PLEKHF2: variants seen among roughly 807,000 people sequenced by gnomAD.
The protein encoded by PLEKHF2 is pleckstrin homology and FYVE domain containing 2.
Under a neutral mutation model 14.7 loss-of-function variants are expected in PLEKHF2, and 4 were observed. The observed-to-expected ratio is 0.27, with a 90% CI of 0.13 to 0.62. The LOEUF is 0.62. Ranked by LOEUF, PLEKHF2 falls within the 20% of genes least tolerant of loss-of-function variation. PLEKHF2 has a pLI of 0.85. For synonymous variants in PLEKHF2, 90 were observed against 103.5 expected, an observed-to-expected ratio of 0.87 and a Z score of 0.79; for missense variants, 201 against 307.7, an observed-to-expected ratio of 0.65 and a Z score of 2.60.
chr8:95,154,147 G>A lies in PLEKHF2; in HGVS notation c.103G>A (p.Val35Ile), dbSNP rs1810589689. The change falls in exon 2 of 2, where the codon GTT (valine) becomes ATT (isoleucine). Residue 35 changes from valine (V) to isoleucine (I), a missense_variant. Val to Ile is a conservative substitution (Grantham distance 29). Coordinates refer to ENST00000315367, the MANE Select transcript of PLEKHF2 (RefSeq NM_024613.4). This position sits in a 1 kb window ranked among gnomAD's most constrained non-coding sequence, Gnocchi z 5.6. ...AGQPLTIPGRVLIGEGVLTKL... is the reference protein window; with the variant it reads ...AGQPLTIPGRILIGEGVLTKL... ...TCAACCTTTAACTATACCTGGACGA[G>A]TTCTTATTGGAGAAGGAGTATTGAC... 1 of 1,613,938 alleles carries A rather than the reference G, an allele frequency of 6.2e-7. No homozygotes were observed.
intron 1 of PLEKHF2, among the ~76,000 whole-genome samples, chr8:95,138,956 T>A (rs371484764): frequency 2.6e-5 from 4 of 152,382 alleles, no homozygotes; most frequent in East Asian, 3.9e-4. Context: ...TCTAAAGCAT[T>A]TCTATTGCCA....
At chr8:95,152,949 G>C (rs1239977608) in intron 1 of PLEKHF2, among the ~76,000 whole-genome samples, 4 of 152,132 alleles carry the variant, frequency 2.6e-5, no homozygotes, top group African/African-American at 9.7e-5. Context: ...TTTGAAATAG[G>C]ATACAACTCT....
At chr8:95,134,071 G>T (rs1810348844) in intron 1 of PLEKHF2, 41 bp downstream of exon 1, 1 of 151,778 alleles carries the variant, frequency 6.6e-6, no homozygotes, top group African/African-American at 2.4e-5. Flanking sequence ...GCTCCTGACG[G>T]GCCGGGAGGG....
At chr8:95,150,898 C>T (rs1810554353) in intron 1 of PLEKHF2, among the ~76,000 whole-genome samples, 1 of 152,052 alleles carries the variant, frequency 6.6e-6, no homozygotes, top group African/African-American at 2.4e-5. Context: ...GCTGTGACAG[C>T]CTTGGGCAAG....
In PLEKHF2 at chr8:95,154,617, T is replaced by C. The variant is rs200210769; in HGVS notation, c.573T>C (p.Phe191=). ...GTGGGCCCTGCTCTGAAAAGAGATT[T>C]CTTCTTCCCAGCCAGTCCTCTAAGC... ...VVCGPCSEKR[F]LLPSQSSKPV... is the part of the protein sequence containing the mutation. The change falls in exon 2 of 2, where the codon TTT becomes TTC. Residue 191 remains phenylalanine, a synonymous_variant. Coordinates refer to ENST00000315367, the MANE Select transcript of PLEKHF2 (RefSeq NM_024613.4). The surrounding 1 kb of genome is among the most constrained non-coding windows in gnomAD (Gnocchi z 5.6). The C allele has an allele frequency of 1.2e-6, 2 of 1,614,160 alleles. No individual in the cohort carries two copies. The highest frequency in any genetic ancestry group is 3.3e-4 in the Middle Eastern group (2 of 6,062).
intron 1 of PLEKHF2, among the ~76,000 whole-genome samples, chr8:95,146,888 T>G (rs1563883251): frequency 6.6e-6 from 1 of 151,620 alleles, no homozygotes; most frequent in Non-Finnish European, 1.5e-5. Context: ...AAGAAACAAG[T>G]ATCAATAGTT....
At position 95,148,086 on chromosome 8, in the gene PLEKHF2, A is replaced by G. The variant is rs374800019; in HGVS notation, c.-14-5945A>G. The stretch of plus-strand genomic sequence containing the variant: ...AAATGGAAATAATACACGTTCATGC[A>G]TTCAAAGTTTCATTCAAAGGATGTT... On this transcript the variant is annotated intron_variant, in intron 1 of 1. Coordinates refer to ENST00000315367, the MANE Select transcript of PLEKHF2 (RefSeq NM_024613.4). Among the ~76,000 whole-genome samples, 10 of 152,096 alleles carry G rather than the reference A, an allele frequency of 6.6e-5. No individual in the cohort carries two copies. The East Asian group carries it at 1.3e-3, about 21-fold the overall frequency.
chr8:95,145,483 A>G (rs1480061177), intron 1 of PLEKHF2, among the ~76,000 whole-genome samples: 1 of 150,350 alleles, frequency 6.7e-6, no homozygotes, highest in East Asian at 1.9e-4. Flanking sequence ...TCTGTCACCG[A>G]GGCTCACTCA....
At chr8:95,142,705 CTAAA>C (rs1348224084) in intron 1 of PLEKHF2, among the ~76,000 whole-genome samples, 1 of 152,142 alleles carries the variant, frequency 6.6e-6, no homozygotes, top group Non-Finnish European at 1.5e-5. Flanking sequence ...TATTTACTAA[CTAAA>C]CAGCTGTGCT....
Position 95,154,242 on chromosome 8 carries a change from T to G in PLEKHF2, c.198T>G (p.Asn66Lys). The change falls in exon 2 of 2, where the codon AAT (asparagine) becomes AAG (lysine). Residue 66 changes from asparagine to lysine, a missense_variant. By Grantham distance (94) the Asn-to-Lys change is moderately conservative (BLOSUM62 0). Coordinates refer to ENST00000315367, the MANE Select transcript of PLEKHF2 (RefSeq NM_024613.4). The surrounding 1 kb of genome is among the most constrained non-coding windows in gnomAD (Gnocchi z 5.6). The stretch of plus-strand genomic sequence containing the variant: ...TTAATGATATTCTTGTATATGGCAA[T>G]ATTGTCATCCAGAAGAAAAAATATA... ...FLFNDILVYGNIVIQKKKYNK... is the reference protein window; with the variant it reads ...FLFNDILVYGKIVIQKKKYNK... 6.2e-7 allele frequency: 1 copy of G among 1,613,882 alleles called. No homozygotes were observed. The highest frequency in any genetic ancestry group is 8.5e-7 in the Non-Finnish European group (1 of 1,179,864).
At position 95,155,033 on chromosome 8, in the gene PLEKHF2, G is replaced by T; in HGVS notation, c.*239G>T. Reference sequence around the variant, plus strand: ...ATATCAGATAAATTTTTTGTTTCTTGTTTATTTTTAGGTTATTTTCTTGGA... The same window carrying T: ...ATATCAGATAAATTTTTTGTTTCTTTTTTATTTTTAGGTTATTTTCTTGGA... On this transcript the variant is annotated 3_prime_UTR_variant, in exon 2 of 2. Transcript: ENST00000315367. The T allele has an allele frequency of 4.2e-6, 2 of 478,672 alleles. No homozygotes were observed. The highest frequency in any genetic ancestry group is 7.5e-6 in the Non-Finnish European group (2 of 265,096). The allele number at this position is 478,672 out of a possible 1,614,324, so 29.7% of individuals were successfully genotyped here. A position where few individuals can be genotyped will look rare whatever the true frequency, so the allele number is the denominator to read the frequency against.
chr8:95,136,583 T>C (rs1403525146), intron 1 of PLEKHF2, among the ~76,000 whole-genome samples: 1 of 152,208 alleles, frequency 6.6e-6, no homozygotes, highest in Non-Finnish European at 1.5e-5. Flanking sequence ...GATGGAAATA[T>C]TGTTAATGCT....
chr8:95,140,205 T>A (rs1020775343), intron 1 of PLEKHF2, among the ~76,000 whole-genome samples: 1 of 152,244 alleles, frequency 6.6e-6, no homozygotes, highest in African/African-American at 2.4e-5. Context: ...CCCAGTGGCT[T>A]ACCCTTAAGC....
chr8:95,135,615 C>T (rs1387961853), intron 1 of PLEKHF2, among the ~76,000 whole-genome samples: 1 of 152,172 alleles, frequency 6.6e-6, no homozygotes, highest in African/African-American at 2.4e-5. Flanking sequence ...GTTGCTCAGG[C>T]TGTATTGCCA....
intron 1 of PLEKHF2, among the ~76,000 whole-genome samples, chr8:95,145,740 C>T (rs13265626): frequency 0.14 from 20,582 of 152,124 alleles, 1,701 homozygotes; most frequent in Non-Finnish European, 0.18. Flanking sequence ...TTCTTTTTTG[C>T]TTTATCATCC....
chr8:95,137,119 G>T (rs572254134), intron 1 of PLEKHF2, among the ~76,000 whole-genome samples: 7 of 152,344 alleles, frequency 4.6e-5, no homozygotes, highest in Non-Finnish European at 8.8e-5. Context: ...TCAGCTCCTT[G>T]CTGGCTTGTG....
chr8:95,134,217 C>G (rs1463702307), intron 1 of PLEKHF2, 187 bp downstream of exon 1: 1 of 149,330 alleles, frequency 6.7e-6, no homozygotes, highest in Non-Finnish European at 1.5e-5. Flanking sequence ...CGGCCGCTCC[C>G]CTCGCGCCGG....
intron 1 of PLEKHF2, among the ~76,000 whole-genome samples, chr8:95,134,856 G>C (rs1810358561): frequency 6.6e-6 from 1 of 152,160 alleles, no homozygotes; most frequent in South Asian, 2.1e-4. Context: ...CGTTGCTGAA[G>C]AGACTCATTA....
At chr8:95,140,439 T>G (rs1025515725) in intron 1 of PLEKHF2, among the ~76,000 whole-genome samples, 4 of 152,216 alleles carry the variant, frequency 2.6e-5, no homozygotes, top group Non-Finnish European at 5.9e-5. Flanking sequence ...CTGATTAATA[T>G]TTTCCTATTT....
Sources: allele counts gnomAD v4.1 joint callset (sites outside exome capture counted in the v4.1 genomes callset), GRCh38; gene constraint gnomAD v4.1.1; non-coding constraint Gnocchi (gnomAD v3.1); transcripts MANE v1.5; gene names NCBI Gene and HGNC (gene_info 2026-07-23, HGNC 2026-07-21).